NUBP2: variants seen among roughly 807,000 people sequenced by gnomAD.
NUBP2 encodes cytosolic Fe-S cluster assembly factor NUBP2.
In NUBP2, 23 loss-of-function variants were observed where a neutral mutation model predicts 24.9. The ratio of observed to expected loss-of-function variants is 0.92; its 90% CI spans 0.66 to 1.31. The LOEUF (loss-of-function observed/expected upper bound fraction) is 1.31, where lower values mean the gene tolerates loss of function less well. Ranked by LOEUF, NUBP2 falls within the 50% of genes most tolerant of loss-of-function variation. The probability of loss-of-function intolerance (pLI) is 0.00; values close to 1 mark genes in which losing one functional copy is unlikely to be tolerated. For synonymous variants in NUBP2, 186 were observed against 170.9 expected, an observed-to-expected ratio of 1.09 and a Z score of -0.69; for missense variants, 403 against 386.5, an observed-to-expected ratio of 1.04 and a Z score of -0.36.
At position 1,786,554 on chromosome 16, in the gene NUBP2, G is replaced by T; in HGVS notation, c.34G>T (p.Gly12Cys). 1 of 1,597,494 alleles carries T rather than the reference G, an allele frequency of 6.3e-7. No homozygotes were observed. The highest frequency in any genetic ancestry group is 8.6e-7 in the Non-Finnish European group (1 of 1,168,324). Residue 12 changes from glycine to cysteine, a missense_variant, in exon 2 of 7, where the codon GGC becomes TGC. Transcript: ENST00000262302. Reference sequence around the variant, plus strand: ...CCGCCCAGAGCCTGGAAACCTGGCCGGCGTCAGGCACATCATCCTGGTCCT... The same window carrying T: ...CCGCCCAGAGCCTGGAAACCTGGCCTGCGTCAGGCACATCATCCTGGTCCT... Reference protein sequence around the residue: ...EAAAEPGNLAGVRHIILVLSG... With the variant: ...EAAAEPGNLACVRHIILVLSG...
chr16:1,788,884 A>G lies in NUBP2; in HGVS notation c.*170A>G. The G allele has an allele frequency of 2.3e-6, 2 of 877,302 alleles. No homozygotes were observed. The highest frequency in any genetic ancestry group is 3.3e-6 in the Non-Finnish European group (2 of 600,098). 54.3% of individuals were successfully genotyped at this position (877,302 alleles called of 1,614,324 possible). A position where few individuals can be genotyped will look rare whatever the true frequency, so the allele number is the denominator to read the frequency against. On this transcript the variant is annotated 3_prime_UTR_variant, in exon 7 of 7. Coordinates refer to ENST00000262302, the MANE Select transcript of NUBP2 (RefSeq NM_012225.4). ...CAGCCCCAGGATGTGTCGCACCAGC[A>G]GCTCTGCCTGGTTGGCCTGCAGTGC... is the stretch of plus-strand genomic sequence containing the variant.
chr16:1,783,103 C>A, intron 1 of NUBP2, 67 bp downstream of exon 1: 1 of 1,222,826 alleles, frequency 8.2e-7, no homozygotes, highest in South Asian at 3.9e-5. Flanking sequence ...CGTCCCTTCC[C>A]GGGGCGGCCT....
At chr16:1,785,866 T>C (rs1408314220) in intron 1 of NUBP2, 6 of 1,288,956 alleles carry the variant, frequency 4.7e-6, no homozygotes, top group Admixed American at 2.3e-5. Context: ...AGCAGCTTGC[T>C]GGAGACAAGG....
At chr16:1,787,307 T>C in intron 3 of NUBP2, 2 of 407,384 alleles carry the variant, frequency 4.9e-6, no homozygotes, top group Non-Finnish European at 8.8e-6. Context: ...GAGAGGCTGG[T>C]GGGAGTGAGG....
intron 1 of NUBP2, chr16:1,785,967 G>C: frequency 8.2e-7 from 1 of 1,216,082 alleles, no homozygotes; most frequent in Non-Finnish European, 1.0e-6. Context: ...GGCAGGGACA[G>C]GATGGGACCC....
At position 1,788,585 on chromosome 16, in the gene NUBP2, C is replaced by G; in HGVS notation, c.687C>G (p.Asp229Glu). The G allele has an allele frequency of 6.2e-7, 1 of 1,607,556 alleles. No individual in the cohort carries two copies. The highest frequency in any genetic ancestry group is 8.5e-7 in the Non-Finnish European group (1 of 1,178,822). The change falls in exon 7 of 7, where the codon GAC (aspartate) becomes GAG (glutamate). Residue 229 changes from aspartate to glutamate, a missense_variant. By Grantham distance (45) the Asp-to-Glu change is conservative. Coordinates refer to ENST00000262302, the MANE Select transcript of NUBP2 (RefSeq NM_012225.4). The stretch of plus-strand genomic sequence containing the variant: ...GCCCTGCAGGCTCCGTGCCCCTGGA[C>G]CCTGCGCTCATGAGGACCCTGGAGG... The part of the protein sequence containing the change: ...GVPFLGSVPL[D>E]PALMRTLEEG...
At chr16:1,785,844 T>C in intron 1 of NUBP2, 1 of 1,289,022 alleles carries the variant, frequency 7.8e-7, no homozygotes, top group African/African-American at 1.5e-5. Context: ...TCCAAGGACC[T>C]GTCGGGGATG....
Position 1,788,108 on chromosome 16 carries a change from G to C in NUBP2, c.601-30G>C, listed in dbSNP as rs748590850. ...CAGCACCTGGCCGGTGGGGGCTTTG[G>C]GCAGTGCTGGGCTCACCACCGTCTC... On this transcript the variant is annotated intron_variant, in intron 5 of 6. Transcript: ENST00000262302. The C allele has an allele frequency of 3.9e-6, 6 of 1,548,514 alleles. No individual in the cohort carries two copies. In the African/African-American group the frequency reaches 8.3e-5, roughly 21 times the overall value.
rs751413186 is a variant in NUBP2 at position 1,787,890 on chromosome 16, T to C, written c.490-51T>C. ...GTGGCTTCCCAGAGGGCTGGGCGGGTGTCCCTGCTGGTGCGCCTGGCTGAC... is the reference window on the plus strand; with the variant it reads ...GTGGCTTCCCAGAGGGCTGGGCGGGCGTCCCTGCTGGTGCGCCTGGCTGAC... On this transcript the variant is annotated intron_variant, in intron 4 of 6. Transcript: ENST00000262302. The C allele has an allele frequency of 3.7e-6, 6 of 1,600,622 alleles. No homozygotes were observed. In the East Asian group the frequency reaches 1.3e-4, roughly 36 times the overall value.
intron 1 of NUBP2, 137 bp downstream of exon 1, chr16:1,783,173 A>C: frequency 8.4e-7 from 1 of 1,184,054 alleles, no homozygotes; most frequent in Non-Finnish European, 1.0e-6. Context: ...GCCGGGCCAG[A>C]GGCCGCGGCG....
intron 1 of NUBP2, chr16:1,785,780 G>T: frequency 7.8e-7 from 1 of 1,289,166 alleles, no homozygotes; most frequent in African/African-American, 1.5e-5. Context: ...TTGAGAGGCG[G>T]ATCAGAAGGG....
rs139530935 is a variant in NUBP2, at chr16:1,783,205, C to G, written c.16+169C>G. Reference sequence around the variant, plus strand: ...GGCGCGGGCATTTTCTAAACAGGGTCGTTTCCCGCGTGCTCCTGCTTCGAT... The same window carrying G: ...GGCGCGGGCATTTTCTAAACAGGGTGGTTTCCCGCGTGCTCCTGCTTCGAT... On this transcript the variant is annotated intron_variant, in intron 1 of 6. Coordinates refer to ENST00000262302, the MANE Select transcript of NUBP2 (RefSeq NM_012225.4). The G allele has an allele frequency of 5.1e-6, 6 of 1,169,868 alleles. No individual in the cohort carries two copies. In the African/African-American group the frequency reaches 8.1e-5, roughly 16 times the overall value. The allele number at this position is 1,169,868 out of a possible 1,614,324, so 72.5% of individuals were successfully genotyped here. A position where few individuals can be genotyped will look rare whatever the true frequency, so the allele number is the denominator to read the frequency against.
chr16:1,787,853 G>A (rs374325001), intron 4 of NUBP2, 22 bp downstream of exon 4: 82 of 1,604,404 alleles, frequency 5.1e-5, no homozygotes, highest in East Asian at 6.7e-5. Flanking sequence ...GCACCTTCCC[G>A]AGTCCCTGTG....
In NUBP2 at chr16:1,788,603, C is replaced by T. The variant is rs33933410; in HGVS notation, c.705C>T (p.Thr235=). The T allele has an allele frequency of 5.3e-3, 8,574 of 1,609,862 alleles. 33 individuals carry two copies. Among genetic ancestry groups the T allele is most frequent in the Non-Finnish European group, 6.4e-3 (7,551 of 1,179,230 alleles). ...CCCTGGACCCTGCGCTCATGAGGAC[C>T]CTGGAGGAGGGCCACGACTTCATCC... is the stretch of plus-strand genomic sequence containing the variant. ...SVPLDPALMR[T]LEEGHDFIQE... The change falls in exon 7 of 7, where the codon ACC becomes ACT. Residue 235 remains threonine (T), a synonymous_variant. Transcript: ENST00000262302.
intron 3 of NUBP2, 142 bp from the exon 4 acceptor site, chr16:1,787,535 G>A (rs887178065): frequency 1.1e-4 from 126 of 1,136,368 alleles, no homozygotes; most frequent in Middle Eastern, 3.0e-4. Context: ...AGGGCCTCCC[G>A]AGAGCCTGTG....
chr16:1,783,288 T>C (rs1896808515), intron 1 of NUBP2: 1 of 1,145,438 alleles, frequency 8.7e-7, no homozygotes, highest in Non-Finnish European at 1.1e-6. Flanking sequence ...GCTTTTAAAG[T>C]TAACTTTGTT....
At chr16:1,784,709 A>G (rs1301387915) in intron 1 of NUBP2, 1 of 149,182 alleles carries the variant, frequency 6.7e-6, no homozygotes, top group Non-Finnish European at 1.5e-5. Context: ...CCCGGCCCCA[A>G]GCTTTCTTTA....
intron 1 of NUBP2, chr16:1,785,011 C>A: frequency 1.1e-6 from 1 of 873,010 alleles, no homozygotes; most frequent in Non-Finnish European, 1.4e-6. Flanking sequence ...GAGATTGCGC[C>A]ACTGTACTCC....
chr16:1,788,326 C>A, intron 6 of NUBP2, 119 bp downstream of exon 6: 1 of 1,152,664 alleles, frequency 8.7e-7, no homozygotes, highest in Non-Finnish European at 1.2e-6. Flanking sequence ...CGGTTTCCTC[C>A]TCTCTTCTCG....
Sources: gnomAD v4.1 joint callset for allele counts on GRCh38, gnomAD v4.1.1 for gene constraint, MANE v1.5 for transcripts, NCBI Gene and HGNC (gene_info 2026-07-23, HGNC 2026-07-21) for gene names.